Variants in TACC2 observed in about 807,000 individuals in gnomAD.
The protein encoded by TACC2 is transforming acidic coiled-coil-containing protein 2.
TACC2 carries 137 observed loss-of-function variants against 227.3 expected under a neutral mutation model. That is an observed-to-expected ratio of 0.60 (90% CI 0.52 to 0.69). TACC2 has a LOEUF of 0.69. Among genes scored for constraint, TACC2 ranks in the 30% least tolerant of loss-of-function variants. The pLI is 0.00. For synonymous variants in TACC2, 1,523 were observed against 1,487.5 expected, an observed-to-expected ratio of 1.02 and a Z score of -0.55; for missense variants, 3,470 against 3,694.4, an observed-to-expected ratio of 0.94 and a Z score of 1.57.
Position 122,083,057 on chromosome 10 carries a change from CCTCCTT to C in TACC2, c.568_573del (p.Phe190_Ser191del), listed in dbSNP as rs756169189. On this transcript the variant is annotated inframe_deletion, in exon 4 of 23. Transcript: ENST00000369005. ...CAGCCGAAGGAAGAAGGACAGAAGT[CCTCCTT>C]CTCCTTCTCCAGTGGCATCGACCAG... 6.2e-7 allele frequency: 1 copy of C among 1,612,752 alleles called. No homozygotes were observed. The highest frequency in any genetic ancestry group is 1.1e-5 in the South Asian group (1 of 91,080).
At chr10:122,109,715 A>G (rs1592116888) in intron 5 of TACC2, among the ~76,000 whole-genome samples, 2 of 152,336 alleles carry the variant, frequency 1.3e-5, no homozygotes, top group Non-Finnish European at 2.9e-5. Context: ...GCAGAGGGAA[A>G]GTGGGATTGT....
chr10:122,180,893 G>A lies in TACC2; in HGVS notation c.5835-14147G>A, dbSNP rs566845890. The stretch of plus-strand genomic sequence containing the variant: ...GCCTCAGCTGGGATTACAGGCACGC[G>A]CCCCCATGTCCACCTAATTTTTATA... On this transcript the variant is annotated intron_variant, in intron 7 of 22. Coordinates refer to ENST00000369005, the MANE Select transcript of TACC2 (RefSeq NM_206862.4). The surrounding 1 kb of genome is among the most constrained non-coding windows in gnomAD (Gnocchi z 4.5). 5.9e-5 allele frequency among the ~76,000 whole-genome samples: 9 copies of A among 152,040 alleles called. No individual in the cohort carries two copies. The highest frequency in any genetic ancestry group is 3.9e-4 in the East Asian group (2 of 5,148).
At position 122,174,712 on chromosome 10, in the gene TACC2, G is replaced by C. The variant is rs115743067; in HGVS notation, c.5835-20328G>C. On this transcript the variant is annotated intron_variant, in intron 7 of 22. Transcript: ENST00000369005. Reference sequence around the variant, plus strand: ...GTAGAATACACTTAAAATCTACTCTGTTACCAATTTTCAAGTATATAGCAC... The same window carrying C: ...GTAGAATACACTTAAAATCTACTCTCTTACCAATTTTCAAGTATATAGCAC... Among the ~76,000 whole-genome samples the C allele has an allele frequency of 2.4e-3, 359 of 152,078 alleles. 2 individuals are homozygous for C. Among genetic ancestry groups the C allele is most frequent in the African/African-American group, 7.9e-3 (327 of 41,454 alleles).
chr10:122,169,198 C>G (rs2093347754), intron 7 of TACC2, among the ~76,000 whole-genome samples: 6 of 152,152 alleles, frequency 3.9e-5, no homozygotes, highest in Admixed American at 3.9e-4. Flanking sequence ...AACGCCATTG[C>G]CAAATATGGA....
rs767750830 is a variant in TACC2, at chr10:122,083,516, C to T, written c.1016C>T (p.Ala339Val). Residue 339 changes from alanine to valine, a missense_variant, in exon 4 of 23, where the codon GCA becomes GTA. Coordinates refer to ENST00000369005, the MANE Select transcript of TACC2 (RefSeq NM_206862.4). ...SQESCQQPVG[A>V]YLPHAELPWG... Reference sequence around the variant, plus strand: ...GAGAGCTGCCAGCAGCCAGTGGGAGCATATCTGCCGCACGCAGAGCTGCCC... The same window carrying T: ...GAGAGCTGCCAGCAGCCAGTGGGAGTATATCTGCCGCACGCAGAGCTGCCC... 1.9e-6 allele frequency: 3 copies of T among 1,613,082 alleles called. No homozygotes were observed. Among genetic ancestry groups the T allele is most frequent in the Non-Finnish European group, 2.5e-6 (3 of 1,179,994 alleles).
At chr10:122,046,245 C>T (rs543607477) in intron 2 of TACC2, among the ~76,000 whole-genome samples, 9 of 151,864 alleles carry the variant, frequency 5.9e-5, no homozygotes, top group South Asian at 2.1e-4. Context: ...GAGGCCGAGG[C>T]GGGTGGATCT....
At chr10:122,230,969 T>C (rs190452747) in intron 16 of TACC2, among the ~76,000 whole-genome samples, 217 of 152,392 alleles carry the variant, frequency 1.4e-3, no homozygotes, top group African/African-American at 4.9e-3. Flanking sequence ...TAAGCAATTC[T>C]TTCTGTAAAG....
At chr10:122,172,239 C>T (rs1367809098) in intron 7 of TACC2, among the ~76,000 whole-genome samples, 2 of 152,212 alleles carry the variant, frequency 1.3e-5, no homozygotes, top group Non-Finnish European at 1.5e-5. Context: ...GGCTATTGGT[C>T]TAGGTTGAAG....
chr10:122,085,208 G>A lies in TACC2; in HGVS notation c.2708G>A (p.Ser903Asn), dbSNP rs2137126127. The change falls in exon 4 of 23, where the codon AGT becomes AAT. Residue 903 changes from serine to asparagine, a missense_variant. Coordinates refer to ENST00000369005, the MANE Select transcript of TACC2 (RefSeq NM_206862.4). ...QEQALGSELQ[S>N]QLPKGTLSDT... is the part of the protein sequence containing the mutation. ...CAGGCTTTGGGATCAGAACTTCAAA[G>A]TCAGCTCCCCAAAGGCACCCTGTCT... The A allele has an allele frequency of 6.2e-7, 1 of 1,614,058 alleles. No homozygotes were observed. Among genetic ancestry groups the A allele is most frequent in the Non-Finnish European group, 8.5e-7 (1 of 1,180,020 alleles).
At chr10:122,185,926 C>A (rs2094171241) in intron 7 of TACC2, among the ~76,000 whole-genome samples, 1 of 152,108 alleles carries the variant, frequency 6.6e-6, no homozygotes. Flanking sequence ...ATAAGTAACT[C>A]ATTTTCCTTT....
At position 122,006,997 on chromosome 10, in the gene TACC2, G is replaced by A. The variant is rs1408063675; in HGVS notation, c.-45-14940G>A. Among the ~76,000 whole-genome samples the A allele has an allele frequency of 2.0e-5, 3 of 151,804 alleles. No individual in the cohort carries two copies. The South Asian group carries it at 6.2e-4, about 32-fold the overall frequency. ...CTGCCTCAGCCTTCCGAGTAGCTGG[G>A]ATTATAGGCATGCGCCACCATGTCC... On this transcript the variant is annotated intron_variant, in intron 1 of 22. Transcript: ENST00000369005.
chr10:122,173,108 C>T (rs1267512132), intron 7 of TACC2, among the ~76,000 whole-genome samples: 2 of 152,176 alleles, frequency 1.3e-5, no homozygotes, highest in African/African-American at 4.8e-5. Flanking sequence ...CATATATCGC[C>T]TGTGCCTGAC....
intron 1 of TACC2, 135 bp downstream of exon 1, chr10:121,989,623 C>T (rs1952948269): frequency 6.6e-6 from 1 of 152,226 alleles, no homozygotes; most frequent in African/African-American, 2.4e-5. Context: ...AACTGCCTGG[C>T]TGAGCCCAGC....
At chr10:122,136,187 T>G (rs1304659319) in intron 6 of TACC2, among the ~76,000 whole-genome samples, 1 of 152,172 alleles carries the variant, frequency 6.6e-6, no homozygotes, top group African/African-American at 2.4e-5. Flanking sequence ...TAATTCAGTG[T>G]CTCCTAATTC....
intron 11 of TACC2, among the ~76,000 whole-genome samples, chr10:122,219,420 G>A (rs904138889): frequency 6.6e-6 from 1 of 152,142 alleles, no homozygotes; most frequent in Non-Finnish European, 1.5e-5. Context: ...TTTCCTGAAG[G>A]CAAGAACTTT....
At chr10:122,230,242 G>A in intron 15 of TACC2, 109 bp from the exon 16 acceptor site, 1 of 873,202 alleles carries the variant, frequency 1.1e-6, no homozygotes, top group Non-Finnish European at 1.9e-6. Flanking sequence ...TTTTTCCCGA[G>A]TGCCTGTCAT....
chr10:122,219,190 A>C, intron 11 of TACC2, among the ~76,000 whole-genome samples: 1 of 150,722 alleles, frequency 6.6e-6, no homozygotes, highest in Non-Finnish European at 1.5e-5. Flanking sequence ...GCTGCTGTAG[A>C]CCCCGCCTGC....
chr10:122,086,878 G>A lies in TACC2; in HGVS notation c.4378G>A (p.Val1460Ile). Residue 1460 changes from valine to isoleucine, a missense_variant, in exon 4 of 23, where the codon GTC becomes ATC. By Grantham distance (29) the Val-to-Ile change is conservative. Coordinates refer to ENST00000369005, the MANE Select transcript of TACC2 (RefSeq NM_206862.4). ...KLLDGPPGVD[V>I]TLLPAPPARL... is the part of the protein sequence containing the mutation. The stretch of plus-strand genomic sequence containing the variant: ...TCTAGATGGGCCTCCAGGAGTGGAT[G>A]TCACCCTTCTCCCTGCACCTCCTGC... 6.2e-7 allele frequency: 1 copy of A among 1,613,954 alleles called. No individual in the cohort carries two copies.
chr10:122,156,908 C>T (rs1016813444), intron 7 of TACC2, among the ~76,000 whole-genome samples: 7 of 152,074 alleles, frequency 4.6e-5, no homozygotes, highest in Admixed American at 1.3e-4. Context: ...CCCAGGAGTT[C>T]GAGACCAGCT....
Sources: allele counts gnomAD v4.1 joint callset (sites outside exome capture counted in the v4.1 genomes callset), GRCh38; gene constraint gnomAD v4.1.1; non-coding constraint Gnocchi (gnomAD v3.1); transcripts MANE v1.5; gene names NCBI Gene and HGNC (gene_info 2026-07-23, HGNC 2026-07-21).